Variants in TMEM178B observed in about 807,000 individuals in gnomAD.
The protein encoded by TMEM178B is transmembrane protein 178B.
Under a neutral mutation model 31.0 loss-of-function variants are expected in TMEM178B, and 5 were observed. That is an observed-to-expected ratio of 0.16 (90% CI 0.08 to 0.34). The LOEUF (loss-of-function observed/expected upper bound fraction) is 0.34, where lower values mean the gene tolerates loss of function less well. Ranked by LOEUF, TMEM178B falls within the 10% of genes least tolerant of loss-of-function variation. TMEM178B has a pLI of 1.00. For synonymous variants in TMEM178B, 164 were observed against 164.0 expected (o/e 1.00, Z 0.00); for missense variants, 275 against 400.3 (o/e 0.69, Z 2.67).
At chr7:141,248,425 G>C (rs1032462423) in intron 2 of TMEM178B, among the ~76,000 whole-genome samples, 1 of 151,942 alleles carries the variant, frequency 6.6e-6, no homozygotes, top group Non-Finnish European at 1.5e-5. Context: ...GTGAGACTCT[G>C]TCCCAAAAAA....
At chr7:141,215,337 A>ATTATTATTATTATTATTATTATTTTT (rs55726735) in intron 2 of TMEM178B, among the ~76,000 whole-genome samples, 1 of 141,488 alleles carries the variant, frequency 7.1e-6, no homozygotes, top group Non-Finnish European at 1.5e-5. Context: ...TATTATTATT[A>ATTATTATTATTATTATTATTATTTTT]TTTTTTGAGA....
At chr7:141,264,859 G>A (rs1391100934) in intron 2 of TMEM178B, among the ~76,000 whole-genome samples, 1 of 152,176 alleles carries the variant, frequency 6.6e-6, no homozygotes, top group Admixed American at 6.5e-5. Flanking sequence ...TGTTTTGCGA[G>A]CATGTCAATA....
intron 1 of TMEM178B, among the ~76,000 whole-genome samples, chr7:141,197,504 C>G (rs2129185774): frequency 6.6e-6 from 1 of 152,348 alleles, no homozygotes; most frequent in East Asian, 1.9e-4. Flanking sequence ...CATCTGTAAT[C>G]TAGCCAAGCC....
At chr7:141,447,188 G>A (rs914730482) in intron 3 of TMEM178B, among the ~76,000 whole-genome samples, 1 of 152,058 alleles carries the variant, frequency 6.6e-6, no homozygotes, top group South Asian at 2.1e-4. Context: ...AATATAGTGC[G>A]ATGTTAGGTG....
chr7:141,113,813 T>C (rs1169706935), intron 1 of TMEM178B, among the ~76,000 whole-genome samples: 1 of 152,180 alleles, frequency 6.6e-6, no homozygotes, highest in Non-Finnish European at 1.5e-5. Context: ...GGACAACATT[T>C]TATTTGGTTA....
At chr7:141,268,095 A>C (rs1305591267) in intron 2 of TMEM178B, among the ~76,000 whole-genome samples, 1 of 152,246 alleles carries the variant, frequency 6.6e-6, no homozygotes, top group Non-Finnish European at 1.5e-5. Context: ...TTATGAAAAA[A>C]CTATGCAATG....
At position 141,472,233 on chromosome 7, in the gene TMEM178B, A is replaced by G. The variant is rs969961534; in HGVS notation, c.*1447A>G. 1.6e-4 allele frequency: 25 copies of G among 152,126 alleles called. No individual in the cohort carries two copies. The highest frequency in any genetic ancestry group is 5.8e-4 in the African/African-American group (24 of 41,414). 9.4% of individuals were successfully genotyped at this position (152,126 alleles called of 1,614,324 possible). A position where few individuals can be genotyped will look rare whatever the true frequency, so the allele number is the denominator to read the frequency against. ...TGCAGAGAGAGCACCTCCATTTCCC[A>G]TGGGCTCAAGTTTGTATGATATTGT... On this transcript the variant is annotated 3_prime_UTR_variant, in exon 4 of 4. Transcript: ENST00000565468.
the TMEM178B span, among the ~76,000 whole-genome samples, chr7:141,502,633 G>C: frequency 6.6e-6 from 1 of 152,164 alleles, no homozygotes; most frequent in Non-Finnish European, 1.5e-5. Context: ...AGCTGGGCAT[G>C]GTAGTGCATG....
At chr7:141,139,121 C>G (rs753650195) in intron 1 of TMEM178B, among the ~76,000 whole-genome samples, 1 of 152,098 alleles carries the variant, frequency 6.6e-6, no homozygotes, top group African/African-American at 2.4e-5. Context: ...TAAACTTTAT[C>G]TTTTAGACAT....
At chr7:141,305,519 C>T (rs1319834291) in intron 2 of TMEM178B, among the ~76,000 whole-genome samples, 1 of 152,040 alleles carries the variant, frequency 6.6e-6, no homozygotes. Flanking sequence ...CCCCCGCCTC[C>T]AGGATTCAAG....
Position 141,422,157 on chromosome 7 carries a change from G to A in TMEM178B, c.497-15451G>A, listed in dbSNP as rs1446122314. Among the ~76,000 whole-genome samples the A allele has an allele frequency of 6.6e-6, 1 of 151,972 alleles. No homozygotes were observed. The highest frequency in any genetic ancestry group is 1.5e-5 in the Non-Finnish European group (1 of 67,990). ...CTCCCTGTTAACCCTATTACTTCTGGCTCCTCCAGGGCTGCGGTTGGTGAA... is the reference window on the plus strand; with the variant it reads ...CTCCCTGTTAACCCTATTACTTCTGACTCCTCCAGGGCTGCGGTTGGTGAA... On this transcript the variant is annotated intron_variant, in intron 2 of 3. Coordinates refer to ENST00000565468, the MANE Select transcript of TMEM178B (RefSeq NM_001195278.2). The surrounding 1 kb of genome is among the most constrained non-coding windows in gnomAD (Gnocchi z 4.2).
At chr7:141,441,179 C>T (rs901116605) in intron 3 of TMEM178B, among the ~76,000 whole-genome samples, 3 of 152,334 alleles carry the variant, frequency 2.0e-5, no homozygotes, top group African/African-American at 7.2e-5. Context: ...CACTTCCCGC[C>T]TCTTTGCTCA....
intron 3 of TMEM178B, among the ~76,000 whole-genome samples, chr7:141,443,375 C>T (rs1339201733): frequency 6.6e-6 from 1 of 152,200 alleles, no homozygotes; most frequent in Admixed American, 6.5e-5. Context: ...CACCACACTG[C>T]ACGTCATTCT....
chr7:141,497,104 G>C, the TMEM178B span, among the ~76,000 whole-genome samples: 2 of 152,042 alleles, frequency 1.3e-5, no homozygotes, highest in African/African-American at 4.8e-5. Context: ...CAGCGGTGGA[G>C]GTGATGACTT....
At chr7:141,347,706 A>G (rs1164989088) in intron 2 of TMEM178B, among the ~76,000 whole-genome samples, 1 of 150,954 alleles carries the variant, frequency 6.6e-6, no homozygotes, top group African/African-American at 2.4e-5. Context: ...TACTCTCCAC[A>G]TCTCCCCCAC....
chr7:141,095,102 G>A (rs984338390), intron 1 of TMEM178B, among the ~76,000 whole-genome samples: 6 of 152,198 alleles, frequency 3.9e-5, no homozygotes, highest in Admixed American at 2.6e-4. Flanking sequence ...CAGCCACTTT[G>A]TAGGTTTTTT....
At chr7:141,314,795 C>T (rs1313160662) in intron 2 of TMEM178B, among the ~76,000 whole-genome samples, 1 of 152,306 alleles carries the variant, frequency 6.6e-6, no homozygotes, top group East Asian at 1.9e-4. Context: ...ATTGCAGACT[C>T]TCCTCCCACT....
the TMEM178B span, among the ~76,000 whole-genome samples, chr7:141,497,176 G>A: frequency 6.6e-6 from 1 of 152,184 alleles, no homozygotes; most frequent in Non-Finnish European, 1.5e-5. Context: ...CTGATTGTGA[G>A]AGGCTGCAAG....
At chr7:141,208,048 C>G (rs902270766) in intron 1 of TMEM178B, among the ~76,000 whole-genome samples, 1 of 152,058 alleles carries the variant, frequency 6.6e-6, no homozygotes. Flanking sequence ...AAAAAATTAA[C>G]TGGACATGGT....
Sources: allele counts gnomAD v4.1 joint callset (sites outside exome capture counted in the v4.1 genomes callset), GRCh38; gene constraint gnomAD v4.1.1; non-coding constraint Gnocchi (gnomAD v3.1); transcripts MANE v1.5; gene names NCBI Gene and HGNC (gene_info 2026-07-23, HGNC 2026-07-21).